The following VPS53 variants were observed in gnomAD, a reference collection of about 807,000 sequenced individuals.
VPS53 encodes the protein VPS53 subunit of GARP complex, also known as vacuolar protein sorting-associated protein 53 homolog.
In VPS53, 70 loss-of-function variants were observed where a neutral mutation model predicts 107.0. The ratio of observed to expected loss-of-function variants is 0.65; its 90% CI spans 0.54 to 0.80. The LOEUF is 0.80. Among genes scored for constraint, VPS53 ranks in the 30% least tolerant of loss-of-function variants. The pLI, the probability that VPS53 is intolerant of heterozygous loss-of-function variation, is 0.00. For missense variants in VPS53, 917 were observed against 1,049.4 expected (o/e 0.87, Z 1.74); for synonymous variants, 409 against 393.3 (o/e 1.04, Z -0.47).
At chr17:638,736 T>A (rs1394879756) in intron 7 of VPS53, among the ~76,000 whole-genome samples, 2 of 152,250 alleles carry the variant, frequency 1.3e-5, no homozygotes, top group Admixed American at 6.5e-5. Context: ...GAATGTTGAA[T>A]ATTGGCCCCC....
At chr17:655,245 G>C (rs890398732) in intron 6 of VPS53, among the ~76,000 whole-genome samples, 7 of 151,818 alleles carry the variant, frequency 4.6e-5, no homozygotes, top group Non-Finnish European at 1.0e-4. Flanking sequence ...TAAATCACCA[G>C]CTCTTCCTTC....
intron 11 of VPS53, among the ~76,000 whole-genome samples, chr17:610,931 C>G (rs140941924): frequency 0.03 from 4,485 of 149,330 alleles, 98 homozygotes; most frequent in Non-Finnish European, 0.047. Flanking sequence ...GAGTGAGACT[C>G]TGTCTCAAGA....
intron 19 of VPS53, among the ~76,000 whole-genome samples, chr17:527,380 C>T (rs1297779955): frequency 1.3e-5 from 2 of 152,174 alleles, no homozygotes; most frequent in Non-Finnish European, 2.9e-5. Context: ...TTGTTTCCTG[C>T]TCATAAACCT....
At chr17:638,325 G>A (rs1465091962) in intron 7 of VPS53, among the ~76,000 whole-genome samples, 3 of 152,092 alleles carry the variant, frequency 2.0e-5, no homozygotes, top group African/African-American at 7.2e-5. Flanking sequence ...ACATGAGATG[G>A]GTCTCCTGAA....
At chr17:670,212 CTGG>C (rs1971878496) in intron 4 of VPS53, among the ~76,000 whole-genome samples, 1 of 151,500 alleles carries the variant, frequency 6.6e-6, no homozygotes, top group African/African-American at 2.4e-5. Context: ...GAACTGGGCA[CTGG>C]TGAACTGGGC....
chr17:529,861 A>G (rs553588811), intron 19 of VPS53, among the ~76,000 whole-genome samples: 121 of 143,034 alleles, frequency 8.5e-4, no homozygotes, highest in Non-Finnish European at 1.4e-3. Context: ...GGCAGACCCT[A>G]TATCTACCAA....
At chr17:695,087 G>C (rs937128039) in intron 4 of VPS53, among the ~76,000 whole-genome samples, 1 of 152,184 alleles carries the variant, frequency 6.6e-6, no homozygotes, top group African/African-American at 2.4e-5. Flanking sequence ...CCTTCCAGGA[G>C]CTTACAAACA....
intron 7 of VPS53, among the ~76,000 whole-genome samples, chr17:634,134 G>A (rs1970085910): frequency 6.6e-6 from 1 of 152,118 alleles, no homozygotes; most frequent in Non-Finnish European, 1.5e-5. Context: ...TCTGCCCCTG[G>A]CCCGAACTAT....
chr17:627,154 A>G lies in VPS53; in HGVS notation c.974+20T>C, dbSNP rs771523367. 7 of 1,607,252 alleles carry G rather than the reference A, an allele frequency of 4.4e-6. No homozygotes were observed. ...TGAAAATTTGATTAACCACAGAACC[A>G]GTAGAGAACTGGCATCTACCTTGTC... On this transcript the variant is annotated intron_variant, in intron 10 of 21. Transcript: ENST00000437048.
At chr17:585,086 A>G (rs1211358762) in intron 13 of VPS53, among the ~76,000 whole-genome samples, 5 of 152,380 alleles carry the variant, frequency 3.3e-5, no homozygotes, top group African/African-American at 1.2e-4. Context: ...ATATTTACAA[A>G]GTATCATCCC....
At chr17:574,493 G>T (rs1043465444) in intron 13 of VPS53, among the ~76,000 whole-genome samples, 11 of 152,102 alleles carry the variant, frequency 7.2e-5, no homozygotes, top group African/African-American at 2.7e-4. Flanking sequence ...GGCTGGGCGC[G>T]GTGGCTCATG....
chr17:699,449 G>T, intron 2 of VPS53, 69 bp from the exon 3 acceptor site: 6 of 1,330,228 alleles, frequency 4.5e-6, no homozygotes, highest in Non-Finnish European at 6.1e-6. Flanking sequence ...ACAGGAAAAT[G>T]ATGTGCTATA....
At chr17:557,825 A>G (rs1912570811) in intron 15 of VPS53, among the ~76,000 whole-genome samples, 1 of 149,714 alleles carries the variant, frequency 6.7e-6, no homozygotes, top group African/African-American at 2.5e-5. Flanking sequence ...AAGATGCTAT[A>G]TTCAGAAAGA....
chr17:637,289 CTATT>C (rs1446144556), intron 7 of VPS53, among the ~76,000 whole-genome samples: 2 of 152,030 alleles, frequency 1.3e-5, no homozygotes, highest in African/African-American at 4.8e-5. Context: ...TTTATTGCAT[CTATT>C]TGATTCTTCT....
intron 18 of VPS53, among the ~76,000 whole-genome samples, chr17:535,905 G>A (rs1192960231): frequency 1.3e-5 from 2 of 152,108 alleles, no homozygotes; most frequent in Non-Finnish European, 2.9e-5. Flanking sequence ...GAGAGATTGG[G>A]GGAAGACAGA....
chr17:608,203 C>T (rs2143011349), intron 11 of VPS53, among the ~76,000 whole-genome samples: 1 of 152,336 alleles, frequency 6.6e-6, no homozygotes, highest in Middle Eastern at 3.4e-3. Context: ...TCTCTTGCTA[C>T]CGCCATGTCC....
In VPS53 at chr17:692,783, A is replaced by G. The variant is rs976154599; in HGVS notation, c.285+4635T>C. Among the ~76,000 whole-genome samples, 4 of 152,204 alleles carry G rather than the reference A, an allele frequency of 2.6e-5. No individual in the cohort carries two copies. In the East Asian group the frequency reaches 5.8e-4, roughly 22 times the overall value. On this transcript the variant is annotated intron_variant, in intron 4 of 21. Transcript: ENST00000437048. Reference sequence around the variant, plus strand: ...TTTGGGAGGCCGAGGCGGGCGGACCACAAGGTCAGGAGTTTGAGACCAGCC... The same window carrying G: ...TTTGGGAGGCCGAGGCGGGCGGACCGCAAGGTCAGGAGTTTGAGACCAGCC...
chr17:542,098 C>T (rs1158815804), intron 17 of VPS53, among the ~76,000 whole-genome samples: 1 of 152,216 alleles, frequency 6.6e-6, no homozygotes, highest in East Asian at 1.9e-4. Flanking sequence ...CAAGCACCTA[C>T]TACGCACTGG....
intron 5 of VPS53, among the ~76,000 whole-genome samples, chr17:661,139 C>T (rs1466966083): frequency 1.3e-5 from 2 of 151,778 alleles, no homozygotes; most frequent in Non-Finnish European, 1.5e-5. Flanking sequence ...CCGTACATCT[C>T]GATGGAGAAA....
Sources: allele counts gnomAD v4.1 joint callset (sites outside exome capture counted in the v4.1 genomes callset), GRCh38; gene constraint gnomAD v4.1.1; transcripts MANE v1.5; gene names NCBI Gene and HGNC (gene_info 2026-07-23, HGNC 2026-07-21).